Variants in PKD1 observed in about 807,000 individuals in gnomAD.
PKD1 encodes the protein polycystin-1.
In PKD1, 81 loss-of-function variants were observed where a neutral mutation model predicts 361.7. The observed-to-expected ratio is 0.22, with a 90% confidence interval of 0.19 to 0.27. PKD1 has a LOEUF of 0.27. Ranked by LOEUF, PKD1 falls within the 10% of genes least tolerant of loss-of-function variation. The pLI, the probability that PKD1 is intolerant of heterozygous loss-of-function variation, is 1.00. For synonymous variants in PKD1, 3,615 were observed against 2,818.3 expected (o/e 1.28, Z -8.95); for missense variants, 6,399 against 6,118.3 (o/e 1.05, Z -1.53).
At chr16:2,107,713 G>A (rs546117905) in intron 16 of PKD1, 170 bp downstream of exon 16, 4 of 685,892 alleles carry the variant, frequency 5.8e-6, no homozygotes, top group Admixed American at 2.1e-5. Flanking sequence ...ACTGTGGCAG[G>A]TTTGGAAGGA....
At position 2,117,481 on chromosome 16, in the gene PKD1, G is replaced by A. The variant is rs761073916; in HGVS notation, c.1385+8C>T. 2.6e-5 allele frequency: 38 copies of A among 1,483,256 alleles called. No homozygotes were observed. The highest frequency in any genetic ancestry group is 9.2e-6 in the Non-Finnish European group (10 of 1,087,282). The allele number at this position is 1,483,256 out of a possible 1,614,324, so 91.9% of individuals were successfully genotyped here. A position where few individuals can be genotyped will look rare whatever the true frequency, so the allele number is the denominator to read the frequency against. ...ACCTATGGCCCCTCGGGGGGTGGGG[G>A]CAGGCACCTGGTGACCCGGGAGACC... On this transcript the variant is annotated splice_region_variant and intron_variant, in intron 6 of 45. Coordinates refer to ENST00000262304, the MANE Select transcript of PKD1 (RefSeq NM_001009944.3).
rs1482328984 is a variant in PKD1 at position 2,089,640 on chromosome 16, CCTGGCCCTCGGCCTTG to C, written c.*71_*86del. The C allele has an allele frequency of 6.1e-6, 9 of 1,487,230 alleles. No individual in the cohort carries two copies. The highest frequency in any genetic ancestry group is 8.2e-6 in the Non-Finnish European group (9 of 1,096,248). The allele number at this position is 1,487,230 out of a possible 1,614,324, so 92.1% of individuals were successfully genotyped here. On this transcript the variant is annotated 3_prime_UTR_variant, in exon 46 of 46. Transcript: ENST00000262304. ...GGGGAACCTACGTGCAGCCATTCTG[CCTGGCCCTCGGCCTTG>C]ACAGCGGCAGAAAGTAATACTGAGC...
At position 2,105,444 on chromosome 16, in the gene PKD1, G is replaced by A. The variant is rs1490398405; in HGVS notation, c.7894C>T (p.Pro2632Ser). 2.5e-6 allele frequency: 4 copies of A among 1,592,170 alleles called. No homozygotes were observed. Among genetic ancestry groups the A allele is most frequent in the East Asian group, 2.2e-5 (1 of 44,880 alleles). ...GCTCGGTGCTGCCGCTCGTGCTTGG[G>A]CTCTGCCGCCACGTCCAGGGCCCGC... ...YERALDVAAE[P>S]KHERQHRAQI... Residue 2632 changes from proline (P) to serine (S), a missense_variant, in exon 21 of 46, where the codon CCC becomes TCC. Physicochemically the swap from Pro to Ser is moderately conservative, Grantham distance 74. Transcript: ENST00000262304.
At chr16:2,097,006 G>A (rs1567163516) in intron 34 of PKD1, 142 bp downstream of exon 34, 2 of 668,998 alleles carry the variant, frequency 3.0e-6, no homozygotes, top group South Asian at 1.7e-5. Context: ...GACAACAGAG[G>A]TTCAGAGAAG....
chr16:2,093,170 C>G (rs1384834543), intron 37 of PKD1, 77 bp from the exon 38 acceptor site: 1 of 1,557,330 alleles, frequency 6.4e-7, no homozygotes, highest in Admixed American at 1.7e-5. Flanking sequence ...CGGCTGGAGC[C>G]ATGGCTGCGG....
At position 2,135,572 on chromosome 16, in the gene PKD1, C is replaced by T; in HGVS notation, c.118G>A (p.Gly40Ser). The T allele has an allele frequency of 1.2e-5, 13 of 1,098,486 alleles. No individual in the cohort carries two copies. The highest frequency in any genetic ancestry group is 1.4e-5 in the Non-Finnish European group (13 of 903,742). The allele number at this position is 1,098,486 out of a possible 1,614,324, so 68.0% of individuals were successfully genotyped here. ...CGGCAGGCGGCGCCGGGCGCTGGGCCGCAGAGGCAGGGGGGCTCGCAGGGC... is the reference window on the plus strand; with the variant it reads ...CGGCAGGCGGCGCCGGGCGCTGGGCTGCAGAGGCAGGGGGGCTCGCAGGGC... Reference protein sequence around the residue: ...CGPCEPPCLCGPAPGAACRVN... With the variant: ...CGPCEPPCLCSPAPGAACRVN... Residue 40 changes from glycine to serine, a missense_variant, in exon 1 of 46, where the codon GGC becomes AGC. Transcript: ENST00000262304.
chr16:2,122,244 C>T (rs975325510), intron 1 of PKD1, among the ~76,000 whole-genome samples: 5 of 152,234 alleles, frequency 3.3e-5, no homozygotes, highest in African/African-American at 7.2e-5. Context: ...CACTGGCTCC[C>T]GGAGCTTCTC....
rs2091476887 is a variant in PKD1 at position 2,090,820 on chromosome 16, A to T, written c.12004-12T>A. On this transcript the variant is annotated splice_polypyrimidine_tract_variant and intron_variant, in intron 43 of 45. Transcript: ENST00000262304. ...AGCTGCTGGGCAGCCTGCGGACGAG[A>T]AATCTGTCTGCTTGCAGCCCTGGGG... is the stretch of plus-strand genomic sequence containing the variant. 4 of 1,612,008 alleles carry T rather than the reference A, an allele frequency of 2.5e-6. No homozygotes were observed. Among genetic ancestry groups the T allele is most frequent in the Middle Eastern group, 3.3e-4 (2 of 6,084 alleles).
At position 2,097,137 on chromosome 16, in the gene PKD1, C is replaced by T. The variant is rs773364928; in HGVS notation, c.10499+11G>A. ...TGGCAATCCCCCCTCCCCCGAGAGC[C>T]GGACACTCACAGGCTGCTGAGCAGG... On this transcript the variant is annotated intron_variant, in intron 34 of 45. Transcript: ENST00000262304. The T allele has an allele frequency of 1.0e-5, 16 of 1,545,790 alleles. No homozygotes were observed. Among genetic ancestry groups the T allele is most frequent in the South Asian group, 4.8e-5 (4 of 84,046 alleles).
rs1334142175 is a variant in PKD1 at position 2,090,755 on chromosome 16, T to A, written c.12057A>T (p.Leu4019Phe). The change falls in exon 44 of 46, where the codon TTA becomes TTT. Residue 4019 changes from leucine (L) to phenylalanine (F), a missense_variant. Transcript: ENST00000262304. ...VRQWSVFGKT[L>F]CRALPELLGV... ...CCAGGAGCTCTGGCAGAGCTCGGCA[T>A]AATGTCTTGCCAAAGACGGACCACT... 6.8e-6 allele frequency: 11 copies of A among 1,612,432 alleles called. No individual in the cohort carries two copies. The highest frequency in any genetic ancestry group is 1.6e-4 in the Middle Eastern group (1 of 6,084).
Position 2,088,955 on chromosome 16 carries a change from A to C in PKD1, c.*772T>G. 4 of 315,896 alleles carry C rather than the reference A, an allele frequency of 1.3e-5. No homozygotes were observed. The highest frequency in any genetic ancestry group is 1.3e-4 in the East Asian group (2 of 15,734). 19.6% of individuals were successfully genotyped at this position (315,896 alleles called of 1,614,324 possible). A position where few individuals can be genotyped will look rare whatever the true frequency, so the allele number is the denominator to read the frequency against. Reference sequence around the variant, plus strand: ...CCAGGAGGAGTCTTTTCCTCTAACCACCCTGGGGTCCTCTGACATGCCTAG... The same window carrying C: ...CCAGGAGGAGTCTTTTCCTCTAACCCCCCTGGGGTCCTCTGACATGCCTAG... On this transcript the variant is annotated 3_prime_UTR_variant, in exon 46 of 46. Transcript: ENST00000262304.
In PKD1 at chr16:2,107,124, G is replaced by T. The variant is rs951254325; in HGVS notation, c.7066-176C>A. The T allele has an allele frequency of 3.9e-5, 27 of 687,848 alleles. No homozygotes were observed. The Middle Eastern group carries it at 2.3e-3, about 57-fold the overall frequency. The allele number at this position is 687,848 out of a possible 1,614,324, so 42.6% of individuals were successfully genotyped here. On this transcript the variant is annotated intron_variant, in intron 16 of 45. Coordinates refer to ENST00000262304, the MANE Select transcript of PKD1 (RefSeq NM_001009944.3). ...GGTTTGCCACCTTCCAACTTGGACG[G>T]CGGAAGGGCATACACAGGGCAGAGG... is the stretch of plus-strand genomic sequence containing the variant.
rs370179587 is a variant in PKD1, at chr16:2,100,379, G to A, written c.9568+17C>T. 1 of 1,611,076 alleles carries A rather than the reference G, an allele frequency of 6.2e-7. No homozygotes were observed. The highest frequency in any genetic ancestry group is 8.5e-7 in the Non-Finnish European group (1 of 1,179,702). On this transcript the variant is annotated intron_variant, in intron 27 of 45. Transcript: ENST00000262304. The surrounding 1 kb of genome is among the most constrained non-coding windows in gnomAD (Gnocchi z 4.4). ...TGCGGGGGCAGAGGGGCAGAGCTTG[G>A]CAGGGTCCGCACAAACCTTTGTTGT... is the stretch of plus-strand genomic sequence containing the variant.
chr16:2,091,959 G>A, intron 40 of PKD1, 53 bp from the exon 41 acceptor site: 5 of 1,611,848 alleles, frequency 3.1e-6, no homozygotes, highest in Non-Finnish European at 4.2e-6. Context: ...CGGCACCCCG[G>A]AGCCAGGCTG....
At chr16:2,112,989 C>T (rs1181853351) in intron 12 of PKD1, 26 bp from the exon 13 acceptor site, 2 of 1,589,532 alleles carry the variant, frequency 1.3e-6, no homozygotes, top group Admixed American at 1.7e-5. Context: ...TCAGTGAGCC[C>T]AGGTGGCAGG....
Position 2,116,580 on chromosome 16 carries a change from C to T in PKD1, c.1671G>A (p.Leu557=). 1 of 1,571,454 alleles carries T rather than the reference C, an allele frequency of 6.4e-7. No homozygotes were observed. The highest frequency in any genetic ancestry group is 1.8e-5 in the Admixed American group (1 of 55,952). ...GGCCGTCCTGCTGTGCCAGAGGCGT[C>T]AGGGGTCCCTGCAGGTCCCCACTGG... The part of the protein sequence containing the change: ...GAPSGDLQGP[L]TPLAQQDGLS... The change falls in exon 8 of 46, where the codon CTG becomes CTA. Residue 557 remains leucine (L), a synonymous_variant. Coordinates refer to ENST00000262304, the MANE Select transcript of PKD1 (RefSeq NM_001009944.3).
intron 26 of PKD1, chr16:2,101,832 G>C: frequency 1.6e-6 from 1 of 614,490 alleles, no homozygotes; most frequent in Non-Finnish European, 2.9e-6. Flanking sequence ...GCAGAACGTG[G>C]GCTGCCCACC....
Position 2,109,444 on chromosome 16 carries a change from T to G in PKD1, c.5723A>C (p.Gln1908Pro). The G allele has an allele frequency of 6.2e-7, 1 of 1,606,418 alleles. No individual in the cohort carries two copies. The highest frequency in any genetic ancestry group is 8.5e-7 in the Non-Finnish European group (1 of 1,179,510). Residue 1908 changes from glutamine to proline, a missense_variant, in exon 15 of 46, where the codon CAG (glutamine) becomes CCG (proline). Coordinates refer to ENST00000262304, the MANE Select transcript of PKD1 (RefSeq NM_001009944.3). ...AGCTGAGCCGGCAGCCAGCAGGATC[T>G]GAAAATGGACCAGCTGCCCGGGCGC... ...VVAPGQLVHF[Q>P]ILLAAGSAVT...
rs2092261762 is a variant in PKD1 at position 2,104,579 on chromosome 16, T to C, written c.8080A>G (p.Met2694Val). ...GTCTCTGCCTGCAGGATGAGCATCA[T>C]GGCCTCCAGCTTGTGCAGCGTCTGC... ...LKQTLHKLEA[M>V]MLILQAETTA... Residue 2694 changes from methionine (M) to valine (V), a missense_variant, in exon 22 of 46, where the codon ATG (methionine) becomes GTG (valine). Coordinates refer to ENST00000262304, the MANE Select transcript of PKD1 (RefSeq NM_001009944.3). 11 of 1,601,360 alleles carry C rather than the reference T, an allele frequency of 6.9e-6. No homozygotes were observed. The highest frequency in any genetic ancestry group is 1.4e-5 in the African/African-American group (1 of 73,602).
Sources: allele counts gnomAD v4.1 joint callset (sites outside exome capture counted in the v4.1 genomes callset), GRCh38; gene constraint gnomAD v4.1.1; non-coding constraint Gnocchi (gnomAD v3.1); transcripts MANE v1.5; gene names NCBI Gene and HGNC (gene_info 2026-07-23, HGNC 2026-07-21).